The following IL1R1 variants were observed in gnomAD, a reference collection of about 807,000 sequenced individuals.
IL1R1 encodes interleukin-1 receptor type 1.
In IL1R1, 22 loss-of-function variants were observed where a neutral mutation model predicts 50.2. That is an observed-to-expected ratio of 0.44 (90% confidence interval 0.31 to 0.63). IL1R1 has a LOEUF of 0.63. IL1R1 is among the 20% of genes least tolerant of loss of function. The pLI, the probability that IL1R1 is intolerant of heterozygous loss-of-function variation, is 0.07. For missense variants in IL1R1, 509 were observed against 676.2 expected (o/e 0.75, Z 2.74); for synonymous variants, 251 against 236.7 (o/e 1.06, Z -0.55).
At position 102,118,756 on chromosome 2, in the gene IL1R1, G is replaced by A. The variant is rs564532640; in HGVS notation, c.-84+13884G>A. Among the ~76,000 whole-genome samples the A allele has an allele frequency of 8.3e-4, 126 of 152,186 alleles. 1 individual carries two copies. Among genetic ancestry groups the A allele is most frequent in the African/African-American group, 3.0e-3 (124 of 41,510 alleles). The stretch of plus-strand genomic sequence containing the variant: ...AGTAGGGCCGGGTGTGGTGGCTCAC[G>A]CCTGTAATCCCAGCACTTTGGGAGG... On this transcript the variant is annotated intron_variant, in intron 1 of 10. Coordinates refer to the IL1R1 transcript ENST00000409329.
chr2:102,088,624 A>G lies in IL1R1; in HGVS notation c.-84+18091A>G, dbSNP rs141852573. 3.4e-3 allele frequency among the ~76,000 whole-genome samples: 515 copies of G among 152,328 alleles called. 3 individuals are homozygous for G. The highest frequency in any genetic ancestry group is 0.016 in the South Asian group (78 of 4,826). On this transcript the variant is annotated intron_variant, in intron 1 of 11. Transcript: ENST00000409929. ...CCAGCTTTATTAGCTCCTAATAAGAAAGTCAGCTTGTCCCTTGAAGCTTCA... is the reference window on the plus strand; with the variant it reads ...CCAGCTTTATTAGCTCCTAATAAGAGAGTCAGCTTGTCCCTTGAAGCTTCA...
intron 1 of IL1R1, among the ~76,000 whole-genome samples, chr2:102,072,014 T>C (rs1321633521): frequency 6.6e-6 from 1 of 152,116 alleles, no homozygotes; most frequent in Non-Finnish European, 1.5e-5. Context: ...CCCAGCACTT[T>C]GGGAGGCCGA....
chr2:102,079,713 T>C (rs1189092460), intron 1 of IL1R1, among the ~76,000 whole-genome samples: 1 of 152,086 alleles, frequency 6.6e-6, no homozygotes. Flanking sequence ...AATATCCAAA[T>C]TGCCTTTATT....
intron 8 of IL1R1, chr2:102,172,457 GT>G (rs2104624281): frequency 1.0e-6 from 1 of 982,286 alleles, no homozygotes; most frequent in South Asian, 4.7e-5. Flanking sequence ...CTTGGAAGTG[GT>G]AATTTTTTTG....
chr2:102,090,078 C>T (rs1577817086), intron 1 of IL1R1, among the ~76,000 whole-genome samples: 1 of 151,900 alleles, frequency 6.6e-6, no homozygotes. Flanking sequence ...TCATGATCCG[C>T]CTGCCTCAGC....
At chr2:102,095,491 A>G (rs893828879) in intron 1 of IL1R1, among the ~76,000 whole-genome samples, 5 of 152,318 alleles carry the variant, frequency 3.3e-5, no homozygotes, top group Admixed American at 6.5e-5. Context: ...AATGTAATGT[A>G]TAAGGCCCAT....
intron 1 of IL1R1, among the ~76,000 whole-genome samples, chr2:102,116,313 A>G (rs1681070289): frequency 6.6e-6 from 1 of 152,218 alleles, no homozygotes; most frequent in South Asian, 2.1e-4. Context: ...CTGGAGATGG[A>G]AAGAAGTGTG....
chr2:102,100,036 G>C (rs1233459368), upstream of IL1R1, among the ~76,000 whole-genome samples: 5 of 152,078 alleles, frequency 3.3e-5, no homozygotes, highest in Non-Finnish European at 7.4e-5. Flanking sequence ...GCACCTCCCA[G>C]CTCCCTCCCC....
rs3917247 is a variant in IL1R1 at position 102,158,865 on chromosome 2, A to C, written c.61+1080A>C. 7.5e-3 allele frequency among the ~76,000 whole-genome samples: 1,149 copies of C among 152,320 alleles called. 17 individuals carry two copies. Among genetic ancestry groups the C allele is most frequent in the African/African-American group, 0.027 (1,114 of 41,564 alleles). Reference sequence around the variant, plus strand: ...GAAATAGAGAAGCCAGTGAAGAGGCAAGCCATGATGATGGCTTTCTCTAGG... The same window carrying C: ...GAAATAGAGAAGCCAGTGAAGAGGCCAGCCATGATGATGGCTTTCTCTAGG... On this transcript the variant is annotated intron_variant, in intron 3 of 11. Coordinates refer to ENST00000410023, the MANE Select transcript of IL1R1 (RefSeq NM_000877.4).
intron 1 of IL1R1, among the ~76,000 whole-genome samples, chr2:102,083,708 C>T (rs1340152584): frequency 3.3e-5 from 5 of 152,002 alleles, no homozygotes; most frequent in African/African-American, 7.2e-5. Flanking sequence ...CACTTTGGGA[C>T]GCCGAGGCAG....
chr2:102,144,795 G>A (rs1335782032), intron 1 of IL1R1, among the ~76,000 whole-genome samples: 1 of 152,160 alleles, frequency 6.6e-6, no homozygotes, highest in African/African-American at 2.4e-5. Context: ...TGGAGAGGAC[G>A]AGGAGATGAT....
At chr2:102,148,534 T>A (rs1683356635) in intron 1 of IL1R1, among the ~76,000 whole-genome samples, 1 of 152,238 alleles carries the variant, frequency 6.6e-6, no homozygotes, top group Non-Finnish European at 1.5e-5. Flanking sequence ...TCATGTTTTG[T>A]CTTAGATCGT....
chr2:102,081,897 AG>A (rs1679224601), intron 1 of IL1R1, among the ~76,000 whole-genome samples: 1 of 152,230 alleles, frequency 6.6e-6, no homozygotes, highest in African/African-American at 2.4e-5. Context: ...ATGCTTTGGA[AG>A]AATGAAAGAG....
intron 1 of IL1R1, among the ~76,000 whole-genome samples, chr2:102,137,323 A>AT (rs1367592507): frequency 6.6e-6 from 1 of 152,164 alleles, no homozygotes; most frequent in East Asian, 1.9e-4. Context: ...ACAGTGTATT[A>AT]TTATCTCTCA....
At chr2:102,106,004 A>G (rs577508639) in intron 1 of IL1R1, among the ~76,000 whole-genome samples, 1 of 152,348 alleles carries the variant, frequency 6.6e-6, no homozygotes, top group Non-Finnish European at 1.5e-5. Flanking sequence ...AACCTGAAAG[A>G]TTAAGGAAAG....
chr2:102,137,463 A>G (rs535296666), intron 1 of IL1R1, among the ~76,000 whole-genome samples: 1 of 152,154 alleles, frequency 6.6e-6, no homozygotes, highest in Non-Finnish European at 1.5e-5. Context: ...CATGGCTGGA[A>G]TGTACTTTGG....
intron 6 of IL1R1, 80 bp downstream of exon 6, chr2:102,166,361 C>A: frequency 2.7e-6 from 3 of 1,095,490 alleles, no homozygotes; most frequent in Non-Finnish European, 3.8e-6. Flanking sequence ...TTTCATTATC[C>A]ATGAAGAAAC....
At chr2:102,093,106 T>C (rs1679750676) in intron 1 of IL1R1, among the ~76,000 whole-genome samples, 1 of 152,208 alleles carries the variant, frequency 6.6e-6, no homozygotes, top group Non-Finnish European at 1.5e-5. Flanking sequence ...GTTGCCTTAG[T>C]GGAATTGCCT....
chr2:102,175,602 A>T lies in IL1R1; in HGVS notation c.1260A>T (p.Gly420=), dbSNP rs966300437. 1 of 1,614,092 alleles carries T rather than the reference A, an allele frequency of 6.2e-7. No homozygotes were observed. Among genetic ancestry groups the T allele is most frequent in the East Asian group, 2.2e-5 (1 of 44,858 alleles). Residue 420 remains glycine, a synonymous_variant, in exon 11 of 12, where the codon GGA becomes GGT. Transcript: ENST00000410023. The part of the protein sequence containing the change: ...VLPEVLEKQC[G]YKLFIYGRDD... ...CTGAGGTCTTGGAAAAACAGTGTGG[A>T]TATAAGCTGTTCATTTATGGAAGGG...
Sources: allele counts gnomAD v4.1 joint callset (sites outside exome capture counted in the v4.1 genomes callset), GRCh38; gene constraint gnomAD v4.1.1; transcripts MANE v1.5; gene names NCBI Gene and HGNC (gene_info 2026-07-23, HGNC 2026-07-21).